The following FAM227B variants were observed in gnomAD, a reference collection of about 807,000 sequenced individuals.
The protein encoded by FAM227B is protein FAM227B.
A neutral mutation model predicts 73.8 loss-of-function variants in FAM227B; 88 were observed. The ratio of observed to expected loss-of-function variants is 1.19; its 90% CI spans 1.00 to 1.42. The LOEUF is 1.42. Among genes scored for constraint, FAM227B ranks in the 40% most tolerant of loss-of-function variants. The pLI, the probability that FAM227B is intolerant of heterozygous loss-of-function variation, is 0.00. For synonymous variants in FAM227B, 210 were observed against 190.5 expected, an observed-to-expected ratio of 1.10 and a Z score of -0.84; for missense variants, 632 against 590.9, an observed-to-expected ratio of 1.07 and a Z score of -0.72.
intron 11 of FAM227B, among the ~76,000 whole-genome samples, chr15:49,481,910 T>A (rs573825005): frequency 1.3e-5 from 2 of 152,232 alleles, no homozygotes; most frequent in African/African-American, 4.8e-5. Context: ...ATGACAAATA[T>A]TAGCTGGGCT....
chr15:49,486,332 C>T (rs953582516), intron 11 of FAM227B: 1 of 151,990 alleles, frequency 6.6e-6, no homozygotes, highest in Non-Finnish European at 1.5e-5. Context: ...TGGGAGAGAG[C>T]ATGAATGGTA....
chr15:49,587,876 A>G (rs988654664), intron 5 of FAM227B, 140 bp downstream of exon 5: 5 of 722,940 alleles, frequency 6.9e-6, no homozygotes, highest in Non-Finnish European at 9.5e-6. Context: ...AGCTATCTTT[A>G]AAACATAGAG....
chr15:49,483,899 A>G (rs1307086856), intron 11 of FAM227B, among the ~76,000 whole-genome samples: 1 of 152,066 alleles, frequency 6.6e-6, no homozygotes, highest in Non-Finnish European at 1.5e-5. Context: ...AGAAGTAAAT[A>G]AAGTTGTGAA....
At chr15:49,363,064 C>T (rs2044528016) in intron 13 of FAM227B, among the ~76,000 whole-genome samples, 1 of 152,166 alleles carries the variant, frequency 6.6e-6, no homozygotes, top group Non-Finnish European at 1.5e-5. Context: ...CATGATTCCT[C>T]CAGCTTTGTC....
chr15:49,475,094 G>A (rs1326141906), intron 11 of FAM227B, among the ~76,000 whole-genome samples: 3 of 152,016 alleles, frequency 2.0e-5, no homozygotes, highest in Admixed American at 1.3e-4. Flanking sequence ...CTATAGAATT[G>A]GTTACACAAA....
At chr15:49,423,007 TC>T in intron 11 of FAM227B, 1 of 266,860 alleles carries the variant, frequency 3.7e-6, no homozygotes, top group East Asian at 7.7e-5. Flanking sequence ...TTTAAAAAAT[TC>T]CCTTTCCCCT....
At chr15:49,532,916 C>T (rs1457846382) in intron 10 of FAM227B, among the ~76,000 whole-genome samples, 2 of 151,810 alleles carry the variant, frequency 1.3e-5, no homozygotes, top group East Asian at 3.9e-4. Flanking sequence ...TTTTAATTGG[C>T]TAGCATATGG....
intron 1 of FAM227B, among the ~76,000 whole-genome samples, chr15:49,618,680 T>A (rs867309066): frequency 3.3e-5 from 5 of 152,176 alleles, no homozygotes; most frequent in Non-Finnish European, 7.3e-5. Flanking sequence ...GTGGTGTTGT[T>A]ACAAAAGACC....
chr15:49,565,803 A>G (rs1333941204), intron 9 of FAM227B, among the ~76,000 whole-genome samples: 2 of 152,190 alleles, frequency 1.3e-5, no homozygotes, highest in Non-Finnish European at 2.9e-5. Flanking sequence ...AGATTATCCC[A>G]TGGGCTGTAA....
In FAM227B at chr15:49,327,845, T is replaced by A; in HGVS notation, c.*723A>T. On this transcript the variant is annotated 3_prime_UTR_variant, in exon 16 of 16. Transcript: ENST00000299338. ...TTTGATGACACCTAAAAACCCCGCA[T>A]GTATTTTCTTCTTAGAACTTAGATA... The A allele has an allele frequency of 9.9e-7, 1 of 1,009,724 alleles. No individual in the cohort carries two copies. Among genetic ancestry groups the A allele is most frequent in the South Asian group, 1.9e-5 (1 of 53,558 alleles). 62.5% of individuals were successfully genotyped at this position (1,009,724 alleles called of 1,614,324 possible).
At position 49,346,054 on chromosome 15, in the gene FAM227B, T is replaced by TA. The variant is rs1274066371; in HGVS notation, c.1272-10559_1272-10558insT. ...CTTTTGGTCACTTGCTTTTGTTATTTTTTTTTTTTTTCCTTTTTCCATGAA... is the reference window on the plus strand; with the variant it reads ...CTTTTGGTCACTTGCTTTTGTTATTTATTTTTTTTTTTCCTTTTTCCATGAA... On this transcript the variant is annotated intron_variant, in intron 13 of 15. Coordinates refer to ENST00000299338, the MANE Select transcript of FAM227B (RefSeq NM_152647.3). Among the ~76,000 whole-genome samples the TA allele has an allele frequency of 6.0e-5, 9 of 150,628 alleles. No individual in the cohort carries two copies. In the East Asian group the frequency reaches 9.6e-4, roughly 16 times the overall value.
In FAM227B at chr15:49,541,738, G is replaced by T. The variant is rs751632486; in HGVS notation, c.816C>A (p.Tyr272Ter). The change falls in exon 10 of 16, where the codon TAC (tyrosine) becomes TAA (stop). Residue 272 changes from tyrosine to a stop codon, truncating the protein, a stop_gained. Transcript: ENST00000299338. LOFTEE classifies it high-confidence loss of function. ...CTTCTTTAAATTCATCATTAAAGAG[G>T]TAACTCGATTCTGGAAATGCTTCAT... Reference protein sequence around the residue: ...TFHEAFPESSYLFNDEFKEDL... With the variant: ...TFHEAFPESS 13 of 1,544,644 alleles carry T rather than the reference G, an allele frequency of 8.4e-6. No homozygotes were observed. The highest frequency in any genetic ancestry group is 1.7e-4 in the Middle Eastern group (1 of 5,882).
At chr15:49,329,715 A>T (rs887417156) in intron 15 of FAM227B, 3 of 972,890 alleles carry the variant, frequency 3.1e-6, no homozygotes, top group Non-Finnish European at 3.7e-6. Flanking sequence ...AATTTATTTA[A>T]ATTTATAATC....
intron 11 of FAM227B, among the ~76,000 whole-genome samples, chr15:49,432,626 T>C (rs895843068): frequency 6.6e-6 from 1 of 151,634 alleles, no homozygotes. Flanking sequence ...AAGTTGCCAC[T>C]AAATTGTTTG....
intron 11 of FAM227B, among the ~76,000 whole-genome samples, chr15:49,490,695 AAAATGACGAATGTACCTTTTTATGTT>A (rs1407088115): frequency 6.6e-6 from 1 of 152,036 alleles, no homozygotes; most frequent in East Asian, 1.9e-4. Context: ...TCTACATCGA[AAAATGACGAATGTACCTTTTTATGTT>A]TGAAGTAAAT....
chr15:49,399,174 C>T (rs2047932358), intron 11 of FAM227B, among the ~76,000 whole-genome samples: 1 of 144,794 alleles, frequency 6.9e-6, no homozygotes. Context: ...GATATCACCA[C>T]CGATCCCACA....
intron 10 of FAM227B, among the ~76,000 whole-genome samples, chr15:49,517,601 A>G (rs541444155): frequency 1.3e-5 from 2 of 152,320 alleles, no homozygotes; most frequent in South Asian, 2.1e-4. Flanking sequence ...CTATACAAAC[A>G]TATTAATGAT....
At chr15:49,496,525 A>C (rs1335713423) in intron 11 of FAM227B, among the ~76,000 whole-genome samples, 1 of 152,242 alleles carries the variant, frequency 6.6e-6, no homozygotes, top group South Asian at 2.1e-4. Flanking sequence ...TGGCTTATAA[A>C]TCATGAGTCA....
intron 11 of FAM227B, among the ~76,000 whole-genome samples, chr15:49,372,584 T>C (rs28687437): frequency 0.42 from 64,147 of 152,054 alleles, 13,714 homozygotes; most frequent in African/African-American, 0.45. Flanking sequence ...TCCTTTCAAC[T>C]GGCATGAATA....
Sources: gnomAD v4.1 joint callset for allele counts (sites outside exome capture counted in the v4.1 genomes callset) on GRCh38, gnomAD v4.1.1 for gene constraint, MANE v1.5 for transcripts, NCBI Gene and HGNC (gene_info 2026-07-23, HGNC 2026-07-21) for gene names.